TOGARAM1: variants seen among roughly 807,000 people sequenced by gnomAD.
TOGARAM1 encodes TOG array regulator of axonemal microtubules 1.
TOGARAM1 carries 100 observed loss-of-function variants against 166.6 expected under a neutral mutation model. The ratio of observed to expected loss-of-function variants is 0.60; its 90% confidence interval spans 0.51 to 0.71. TOGARAM1 has a LOEUF of 0.71. TOGARAM1 is among the 30% of genes least tolerant of loss of function. The probability of loss-of-function intolerance (pLI) is 0.00; values close to 1 mark genes in which losing one functional copy is unlikely to be tolerated. For synonymous variants in TOGARAM1, 758 were observed against 763.8 expected (o/e 0.99, Z 0.13); for missense variants, 2,029 against 2,102.7 (o/e 0.96, Z 0.69).
At chr14:44,992,393 C>T (rs916572531) in intron 1 of TOGARAM1, among the ~76,000 whole-genome samples, 1 of 151,768 alleles carries the variant, frequency 6.6e-6, no homozygotes, top group African/African-American at 2.4e-5. Flanking sequence ...GTGAAAGGTT[C>T]AAAAACTGGA....
In TOGARAM1 at chr14:45,068,478, G is replaced by T. The variant is rs150552457; in HGVS notation, c.4804G>T (p.Val1602Leu). ...LHDSNSKVNLVALETMHKMIP... is the reference protein window; with the variant it reads ...LHDSNSKVNLLALETMHKMIP... ...TGATTCTAATAGTAAAGTAAATCTG[G>T]TGGCTCTGGAAACAATGCACAAAAT... Residue 1602 changes from valine to leucine, a missense_variant, in exon 18 of 20, where the codon GTG (valine) becomes TTG (leucine). Transcript: ENST00000361462. The T allele has an allele frequency of 2.6e-5, 42 of 1,612,408 alleles. No homozygotes were observed. The Middle Eastern group carries it at 6.6e-4, about 25-fold the overall frequency.
chr14:45,069,896 T>C (rs915929380), intron 18 of TOGARAM1, among the ~76,000 whole-genome samples: 2 of 151,868 alleles, frequency 1.3e-5, no homozygotes, highest in Non-Finnish European at 2.9e-5. Context: ...ATAAAAAGAT[T>C]ATTCGGCCAG....
intron 1 of TOGARAM1, among the ~76,000 whole-genome samples, chr14:44,971,724 G>A (rs1566597926): frequency 6.6e-6 from 1 of 151,964 alleles, no homozygotes. Flanking sequence ...ACTGCATACC[G>A]CAAATCTTGA....
intron 18 of TOGARAM1, among the ~76,000 whole-genome samples, chr14:45,070,960 T>C (rs930109514): frequency 2.0e-5 from 3 of 152,236 alleles, no homozygotes; most frequent in African/African-American, 7.2e-5. Context: ...TCTCACTCTA[T>C]CACCAGGCTG....
chr14:45,027,515 C>CA (rs1457401773), intron 9 of TOGARAM1, 41 bp downstream of exon 9: 1 of 1,490,474 alleles, frequency 6.7e-7, no homozygotes. Context: ...TTTAAGCTTA[C>CA]AGTATGTCAT....
At chr14:44,976,164 A>C (rs183454952) in intron 1 of TOGARAM1, among the ~76,000 whole-genome samples, 2 of 152,270 alleles carry the variant, frequency 1.3e-5, no homozygotes, top group African/African-American at 4.8e-5. Context: ...TGGCTCCAAC[A>C]ATCTTCAAGA....
chr14:45,064,555 C>T (rs1039909998), intron 16 of TOGARAM1, among the ~76,000 whole-genome samples: 89 of 152,080 alleles, frequency 5.9e-4, no homozygotes, highest in African/African-American at 2.1e-3. Flanking sequence ...ACTGCAGCCT[C>T]GACCTCCCAG....
At chr14:44,977,249 T>A (rs975831442) in intron 1 of TOGARAM1, among the ~76,000 whole-genome samples, 1 of 149,826 alleles carries the variant, frequency 6.7e-6, no homozygotes, top group Non-Finnish European at 1.5e-5. Context: ...TTTTTTTTTT[T>A]TTTGAGATGG....
rs375634469 is a variant in TOGARAM1 at position 44,999,480 on chromosome 14, G to C, written c.2321G>C (p.Ser774Thr). ...GSDLQFLGTTSSHQEKVYASL... is the reference protein window; with the variant it reads ...GSDLQFLGTTTSHQEKVYASL... ...GACTTACAATTCCTAGGGACAACTA[G>C]CAGTCATCAAGAAAAAGGTATAAGT... The change falls in exon 3 of 20, where the codon AGC becomes ACC. Residue 774 changes from serine (S) to threonine (T), a missense_variant. Transcript: ENST00000361462. The C allele has an allele frequency of 6.2e-7, 1 of 1,605,814 alleles. No homozygotes were observed. Among genetic ancestry groups the C allele is most frequent in the South Asian group, 1.1e-5 (1 of 89,234 alleles).
At chr14:45,064,578 C>T (rs1041970963) in intron 16 of TOGARAM1, among the ~76,000 whole-genome samples, 3 of 152,068 alleles carry the variant, frequency 2.0e-5, no homozygotes, top group Non-Finnish European at 4.4e-5. Flanking sequence ...CTCAAGTGTC[C>T]TCCCACCTTA....
At chr14:45,034,960 T>C (rs867558243) in intron 11 of TOGARAM1, among the ~76,000 whole-genome samples, 20 of 152,172 alleles carry the variant, frequency 1.3e-4, no homozygotes, top group Non-Finnish European at 2.5e-4. Flanking sequence ...AACTACTGCA[T>C]GCATTAAAGA....
chr14:45,002,703 T>C (rs1486293823), intron 3 of TOGARAM1, among the ~76,000 whole-genome samples: 1 of 152,172 alleles, frequency 6.6e-6, no homozygotes. Flanking sequence ...CTCGGCTGTG[T>C]GCGGTGGCTC....
chr14:45,026,542 C>T (rs777984195), intron 8 of TOGARAM1, among the ~76,000 whole-genome samples: 5 of 152,092 alleles, frequency 3.3e-5, no homozygotes, highest in Non-Finnish European at 5.9e-5. Context: ...TTTATTTGCC[C>T]GGCCAAGCTC....
rs77124128 is a variant in TOGARAM1 at position 45,059,659 on chromosome 14, A to C, written c.4559+5110A>C. ...CGACAGAGCGAGACTCTGTCTCAAA[A>C]AAAACAAAACAAAACAAAACAAAAC... On this transcript the variant is annotated intron_variant, in intron 16 of 19. Transcript: ENST00000361462. Among the ~76,000 whole-genome samples the C allele has an allele frequency of 8.2e-3, 1,240 of 151,998 alleles. 7 individuals are homozygous for C. Among genetic ancestry groups the C allele is most frequent in the Non-Finnish European group, 0.011 (724 of 67,986 alleles).
chr14:44,973,759 G>A (rs568450420), intron 1 of TOGARAM1, among the ~76,000 whole-genome samples: 2 of 150,750 alleles, frequency 1.3e-5, no homozygotes, highest in South Asian at 2.1e-4. Flanking sequence ...ACTTGTGAAA[G>A]ATTATTTCCC....
chr14:45,027,466 G>T lies in TOGARAM1; in HGVS notation c.3496G>T (p.Glu1166Ter). The change falls in exon 9 of 20, where the codon GAA becomes TAA. Residue 1166 changes from glutamate to a stop codon, truncating the protein, a stop_gained. Transcript: ENST00000361462. LOFTEE classifies it high-confidence loss of function. ...NISSYLDVEN[E>*]KDAKVSISKS... is the part of the protein sequence containing the mutation. ...TTCATCATATCTTGATGTTGAGAAT[G>T]AAAAAGATGTAAGGTTATTTGCTAA... is the stretch of plus-strand genomic sequence containing the variant. 1 of 1,601,180 alleles carries T rather than the reference G, an allele frequency of 6.2e-7. No individual in the cohort carries two copies. The highest frequency in any genetic ancestry group is 1.1e-5 in the South Asian group (1 of 88,390).
chr14:44,983,596 GA>G (rs1886642758), intron 1 of TOGARAM1, among the ~76,000 whole-genome samples: 1 of 152,020 alleles, frequency 6.6e-6, no homozygotes, highest in South Asian at 2.1e-4. Flanking sequence ...AATTAAAAAT[GA>G]AAAATAGAAC....
intron 5 of TOGARAM1, 90 bp from the exon 6 acceptor site, chr14:45,008,823 G>A (rs959944526): frequency 2.4e-5 from 22 of 911,310 alleles, no homozygotes; most frequent in South Asian, 2.2e-4. Flanking sequence ...GGTTAGCTAG[G>A]TATAGCTAAT....
At chr14:45,024,986 C>G (rs898312305) in intron 7 of TOGARAM1, among the ~76,000 whole-genome samples, 1 of 151,930 alleles carries the variant, frequency 6.6e-6, no homozygotes, top group African/African-American at 2.4e-5. Flanking sequence ...TATGGAATAC[C>G]TGGTATGTGC....
Sources: allele counts gnomAD v4.1 joint callset (sites outside exome capture counted in the v4.1 genomes callset), GRCh38; gene constraint gnomAD v4.1.1; transcripts MANE v1.5; gene names NCBI Gene and HGNC (gene_info 2026-07-23, HGNC 2026-07-21).